Variants in TENM3 observed in about 807,000 individuals in gnomAD.
TENM3 encodes the protein teneurin-3.
TENM3 carries 63 observed loss-of-function variants against 255.1 expected under a neutral mutation model. The observed-to-expected ratio is 0.25, with a 90% CI of 0.20 to 0.30. TENM3 has a LOEUF of 0.30. TENM3 is among the 10% of genes least tolerant of loss of function. The pLI is 1.00. For synonymous variants in TENM3, 1,306 were observed against 1,322.3 expected, an observed-to-expected ratio of 0.99 and a Z score of 0.27; for missense variants, 2,929 against 3,461.1, an observed-to-expected ratio of 0.85 and a Z score of 3.86.
chr4:182,500,255 G>A (rs548050285), intron 3 of TENM3, among the ~76,000 whole-genome samples: 13 of 152,140 alleles, frequency 8.5e-5, no homozygotes, highest in Non-Finnish European at 1.6e-4. Context: ...TTTAGAAAGA[G>A]ACAAGTAAAT....
chr4:182,015,341 T>A, the TENM3 span, among the ~76,000 whole-genome samples: 3 of 152,142 alleles, frequency 2.0e-5, no homozygotes, highest in African/African-American at 7.2e-5. Context: ...CAATCGCCTT[T>A]TGTCTTGTTC....
At chr4:182,081,583 CAAAAA>C in the TENM3 span, among the ~76,000 whole-genome samples, 3 of 87,532 alleles carry the variant, frequency 3.4e-5, no homozygotes, top group Non-Finnish European at 6.4e-5. Flanking sequence ...GGCTCTGCCT[CAAAAA>C]AAAAAAAAAA....
At position 182,793,819 on chromosome 4, in the gene TENM3, A is replaced by C; in HGVS notation, c.7147A>C (p.Asn2383His). Residue 2383 changes from asparagine to histidine, a missense_variant, in exon 26 of 28, where the codon AAC becomes CAC. Around this residue, in one of 6 missense-constraint regions of TENM3, gnomAD observed 476 missense variants for 480.1 expected, o/e 0.99. Coordinates refer to ENST00000511685, the MANE Select transcript of TENM3 (RefSeq NM_001080477.4). This position sits in a 1 kb window ranked among gnomAD's most constrained non-coding sequence, Gnocchi z 5.7. Reference sequence around the variant, plus strand: ...AATTGGGAAGGACCCAGCTCCTTTTAACTTGTACATGTTTAGGAATAACAA... The same window carrying C: ...AATTGGGAAGGACCCAGCTCCTTTTCACTTGTACATGTTTAGGAATAACAA... The part of the protein sequence containing the change: ...KRIGKDPAPF[N>H]LYMFRNNNPA... 1 of 1,613,956 alleles carries C rather than the reference A, an allele frequency of 6.2e-7. No individual in the cohort carries two copies. Among genetic ancestry groups the C allele is most frequent in the African/African-American group, 1.3e-5 (1 of 75,050 alleles).
chr4:181,625,762 C>A, the TENM3 span, among the ~76,000 whole-genome samples: 1 of 151,570 alleles, frequency 6.6e-6, no homozygotes, highest in South Asian at 2.1e-4. Context: ...TGCAGTGAGC[C>A]GAGATGGTGC....
intron 3 of TENM3, among the ~76,000 whole-genome samples, chr4:182,395,821 C>T (rs879270141): frequency 1.9e-4 from 29 of 152,130 alleles, no homozygotes; most frequent in Non-Finnish European, 2.9e-5. Context: ...GTTAATTTTT[C>T]GCTCTGCTCT....
At chr4:181,621,093 G>A in the TENM3 span, among the ~76,000 whole-genome samples, 1 of 152,094 alleles carries the variant, frequency 6.6e-6, no homozygotes, top group Non-Finnish European at 1.5e-5. Context: ...GAAGAAAAAG[G>A]GAACCCAGTT....
chr4:182,238,158 C>T (rs1241109475), intron 1 of TENM3, among the ~76,000 whole-genome samples: 1 of 152,106 alleles, frequency 6.6e-6, no homozygotes, highest in Non-Finnish European at 1.5e-5. Flanking sequence ...ATGCCCTTCC[C>T]TTCCTCGTGT....
At chr4:182,286,496 G>A (rs1344162888) in intron 1 of TENM3, among the ~76,000 whole-genome samples, 4 of 152,078 alleles carry the variant, frequency 2.6e-5, no homozygotes, top group East Asian at 1.9e-4. Context: ...TCTCCACAAC[G>A]CTGACGGACC....
intron 19 of TENM3, among the ~76,000 whole-genome samples, chr4:182,747,649 A>T (rs1317133099): frequency 2.0e-5 from 3 of 152,230 alleles, no homozygotes; most frequent in African/African-American, 7.2e-5. Context: ...GCCAAAGGGC[A>T]CTTAAACATG....
intron 1 of TENM3, among the ~76,000 whole-genome samples, chr4:182,201,909 CTA>C (rs1320514304): frequency 6.6e-6 from 1 of 152,180 alleles, no homozygotes. Flanking sequence ...AGAAAAATAA[CTA>C]TGCATTTTCA....
chr4:182,508,709 A>G (rs1007898474), intron 3 of TENM3, among the ~76,000 whole-genome samples: 20 of 152,226 alleles, frequency 1.3e-4, no homozygotes, highest in East Asian at 1.9e-4. Flanking sequence ...GATTTTGTGC[A>G]GTTAAATAAA....
intron 3 of TENM3, among the ~76,000 whole-genome samples, chr4:182,455,602 A>G (rs576522661): frequency 6.9e-4 from 89 of 128,958 alleles, no homozygotes; most frequent in Middle Eastern, 0.011. Context: ...CACTAGGCTG[A>G]CCAGGCTGGA....
chr4:181,568,030 T>C, the TENM3 span, among the ~76,000 whole-genome samples: 4 of 152,170 alleles, frequency 2.6e-5, no homozygotes, highest in East Asian at 7.7e-4. Context: ...AAATGCATTG[T>C]GTTTCTTAAA....
chr4:182,404,113 G>A (rs182989499), intron 3 of TENM3, among the ~76,000 whole-genome samples: 1 of 152,292 alleles, frequency 6.6e-6, no homozygotes, highest in Admixed American at 6.5e-5. Context: ...ATCACTGTCA[G>A]TACAGTCTGA....
At chr4:181,546,101 G>A in the TENM3 span, among the ~76,000 whole-genome samples, 14 of 152,174 alleles carry the variant, frequency 9.2e-5, no homozygotes, top group Admixed American at 3.9e-4. Context: ...AAGGTCTTGC[G>A]TTCTTATGCA....
At chr4:182,227,842 C>T (rs1276591873) in intron 1 of TENM3, among the ~76,000 whole-genome samples, 4 of 152,004 alleles carry the variant, frequency 2.6e-5, no homozygotes, top group Admixed American at 6.5e-5. Context: ...TTTAAAGGAA[C>T]GCATACTAAG....
the TENM3 span, among the ~76,000 whole-genome samples, chr4:181,842,446 G>C: frequency 2.6e-5 from 4 of 152,126 alleles, no homozygotes; most frequent in Admixed American, 2.6e-4. Flanking sequence ...CATGACTGAA[G>C]TGCATAACTA....
chr4:181,720,856 C>A, the TENM3 span, among the ~76,000 whole-genome samples: 1 of 152,078 alleles, frequency 6.6e-6, no homozygotes, highest in African/African-American at 2.4e-5. Context: ...GAGTCATAAA[C>A]TAATTCTGAA....
chr4:182,687,759 C>CCTGAGATGCTGAGATG (rs11282304), intron 11 of TENM3, among the ~76,000 whole-genome samples: 1 of 151,828 alleles, frequency 6.6e-6, no homozygotes, highest in Non-Finnish European at 1.5e-5. Context: ...CTGTTAGATA[C>CCTGAGATGCTGAGATG]CTGAGATGCT....
Sources: allele counts gnomAD v4.1 joint callset (sites outside exome capture counted in the v4.1 genomes callset), GRCh38; gene constraint gnomAD v4.1.1; regional missense constraint gnomAD v4.1.1; non-coding constraint Gnocchi (gnomAD v3.1); transcripts MANE v1.5; gene names NCBI Gene and HGNC (gene_info 2026-07-23, HGNC 2026-07-21).